Variants in CCDC126 observed in about 807,000 individuals in gnomAD.
CCDC126 encodes the protein coiled-coil domain-containing protein 126.
A neutral mutation model predicts 11.7 loss-of-function variants in CCDC126; 5 were observed. The observed-to-expected ratio is 0.43, with a 90% CI of 0.22 to 0.90. CCDC126 has a LOEUF of 0.90. CCDC126 is among the 40% of genes least tolerant of loss of function. The pLI is 0.27. For missense variants in CCDC126, 150 were observed against 163.1 expected, an observed-to-expected ratio of 0.92 and a Z score of 0.44; for synonymous variants, 60 against 61.9, an observed-to-expected ratio of 0.97 and a Z score of 0.14.
chr7:23,637,129 G>T (rs1449224010), intron 3 of CCDC126, among the ~76,000 whole-genome samples: 4 of 70,830 alleles, frequency 5.6e-5, no homozygotes, highest in East Asian at 4.5e-4. Context: ...GGTGAGGGGC[G>T]CCTCTGCCCG....
intron 3 of CCDC126, among the ~76,000 whole-genome samples, chr7:23,619,879 G>C (rs1394690924): frequency 1.3e-5 from 2 of 151,804 alleles, no homozygotes; most frequent in East Asian, 3.9e-4. Context: ...ATGGTTTCCA[G>C]CTTCATCCAT....
At chr7:23,632,159 T>TC (rs1295789962) in intron 3 of CCDC126, among the ~76,000 whole-genome samples, 1 of 151,188 alleles carries the variant, frequency 6.6e-6, no homozygotes, top group Non-Finnish European at 1.5e-5. Context: ...AGTGGTGTGA[T>TC]CTCAGCTCAC....
intron 3 of CCDC126, among the ~76,000 whole-genome samples, chr7:23,639,916 C>G (rs573649498): frequency 6.6e-6 from 1 of 152,296 alleles, no homozygotes; most frequent in South Asian, 2.1e-4. Flanking sequence ...TGGCTCACGC[C>G]TGTAATCCCA....
chr7:23,627,869 G>A (rs1783042135), intron 3 of CCDC126, among the ~76,000 whole-genome samples: 2 of 152,016 alleles, frequency 1.3e-5, no homozygotes, highest in Non-Finnish European at 1.5e-5. Context: ...GGGATTGCAG[G>A]TATGAGCTAC....
intron 3 of CCDC126, among the ~76,000 whole-genome samples, chr7:23,621,069 T>A (rs559973879): frequency 6.6e-6 from 1 of 152,232 alleles, no homozygotes; most frequent in Non-Finnish European, 1.5e-5. Flanking sequence ...CGGGCTCTTT[T>A]TTGGTTCCAT....
At chr7:23,598,384 G>A (rs1457245908) in intron 2 of CCDC126, 1 of 152,222 alleles carries the variant, frequency 6.6e-6, no homozygotes, top group Non-Finnish European at 1.5e-5. Context: ...TGGGTTGTGT[G>A]TTCTTCACTT....
rs774106801 is a variant in CCDC126 at position 23,643,119 on chromosome 7, T to C, written c.*4T>C. 5.6e-6 allele frequency: 9 copies of C among 1,612,324 alleles called. No individual in the cohort carries two copies. Among genetic ancestry groups the C allele is most frequent in the Non-Finnish European group, 7.6e-6 (9 of 1,178,996 alleles). On this transcript the variant is annotated 3_prime_UTR_variant, in exon 4 of 4. Coordinates refer to ENST00000307471, the MANE Select transcript of CCDC126 (RefSeq NM_138771.4). ...TGTCTCGGGCAGTATCAGATAGCAGTTGAAAATCACCTTGTGCTGCTCCAT... is the reference window on the plus strand; with the variant it reads ...TGTCTCGGGCAGTATCAGATAGCAGCTGAAAATCACCTTGTGCTGCTCCAT...
chr7:23,635,471 A>G (rs1295221337), intron 3 of CCDC126, among the ~76,000 whole-genome samples: 1 of 152,254 alleles, frequency 6.6e-6, no homozygotes, highest in African/African-American at 2.4e-5. Flanking sequence ...ATCTCATGAC[A>G]TGTAAACATA....
At chr7:23,622,047 T>G (rs1010028772) in intron 3 of CCDC126, among the ~76,000 whole-genome samples, 3 of 152,204 alleles carry the variant, frequency 2.0e-5, no homozygotes, top group Admixed American at 6.5e-5. Flanking sequence ...ATTCTCTTTT[T>G]TTGTTGTGTC....
At chr7:23,630,609 C>T (rs1783092899) in intron 3 of CCDC126, among the ~76,000 whole-genome samples, 1 of 147,904 alleles carries the variant, frequency 6.8e-6, no homozygotes, top group African/African-American at 2.5e-5. Context: ...GAGCTCTTAA[C>T]TAGGGAGTCT....
rs1042155942 is a variant in CCDC126, at chr7:23,633,662, G to A, written c.239-9269G>A. ...GAGGATCACTTAAGATCGGGAGTTC[G>A]ATACCAGCCTGGCAACATGGCGAAA... On this transcript the variant is annotated intron_variant, in intron 3 of 3. Transcript: ENST00000307471. Among the ~76,000 whole-genome samples, 3 of 151,994 alleles carry A rather than the reference G, an allele frequency of 2.0e-5. No homozygotes were observed. In the East Asian group the frequency reaches 5.8e-4, roughly 29 times the overall value.
At chr7:23,610,356 C>T (rs1029446443) in intron 2 of CCDC126, among the ~76,000 whole-genome samples, 6 of 152,010 alleles carry the variant, frequency 3.9e-5, no homozygotes, top group African/African-American at 1.2e-4. Flanking sequence ...GGACTACAGG[C>T]GCATGCCACC....
intron 3 of CCDC126, among the ~76,000 whole-genome samples, chr7:23,622,318 T>C (rs1246199625): frequency 1.3e-5 from 2 of 152,220 alleles, no homozygotes; most frequent in Non-Finnish European, 2.9e-5. Context: ...GGAGGGTGTA[T>C]GTGTCAAGGA....
chr7:23,619,369 A>G (rs1562493715), intron 3 of CCDC126: 2 of 385,690 alleles, frequency 5.2e-6, no homozygotes, highest in Non-Finnish European at 1.0e-5. Context: ...GTATGCAACC[A>G]TGAAGCGCAT....
Position 23,643,212 on chromosome 7 carries a change from A to C in CCDC126, c.*97A>C. On this transcript the variant is annotated 3_prime_UTR_variant, in exon 4 of 4. Coordinates refer to ENST00000307471, the MANE Select transcript of CCDC126 (RefSeq NM_138771.4). ...CTGGCTTAGGACAGAGCAATACTTTACAATAAAAGCTCTACACATTTTCAA... is the reference window on the plus strand; with the variant it reads ...CTGGCTTAGGACAGAGCAATACTTTCCAATAAAAGCTCTACACATTTTCAA... 3 of 1,017,762 alleles carry C rather than the reference A, an allele frequency of 2.9e-6. No individual in the cohort carries two copies. The highest frequency in any genetic ancestry group is 4.2e-6 in the Non-Finnish European group (3 of 706,472). 63.0% of individuals were successfully genotyped at this position (1,017,762 alleles called of 1,614,324 possible).
chr7:23,613,736 C>T (rs1009959354), intron 3 of CCDC126, among the ~76,000 whole-genome samples: 6 of 152,258 alleles, frequency 3.9e-5, no homozygotes, highest in South Asian at 2.1e-4. Context: ...CATATAAAGG[C>T]ATACCTCAGA....
chr7:23,611,001 A>G (rs1562491135), intron 2 of CCDC126, among the ~76,000 whole-genome samples, 170 bp from the exon 3 acceptor site: 1 of 152,212 alleles, frequency 6.6e-6, no homozygotes, highest in Non-Finnish European at 1.5e-5. Context: ...CTTTGAAAAG[A>G]TACGTAAGTG....
chr7:23,599,135 C>T (rs1782485749), intron 2 of CCDC126, among the ~76,000 whole-genome samples: 1 of 152,196 alleles, frequency 6.6e-6, no homozygotes, highest in Non-Finnish European at 1.5e-5. Flanking sequence ...TTATCACTCT[C>T]TCATGAGCTG....
chr7:23,641,468 C>T (rs1783354641), intron 3 of CCDC126, among the ~76,000 whole-genome samples: 1 of 152,104 alleles, frequency 6.6e-6, no homozygotes, highest in South Asian at 2.1e-4. Flanking sequence ...TTTTCATTTT[C>T]TTGATTAATG....
Sources: allele counts gnomAD v4.1 joint callset (sites outside exome capture counted in the v4.1 genomes callset), GRCh38; gene constraint gnomAD v4.1.1; transcripts MANE v1.5; gene names NCBI Gene and HGNC (gene_info 2026-07-23, HGNC 2026-07-21).